PLA2R1: variants seen among roughly 807,000 people sequenced by gnomAD.
PLA2R1 encodes phospholipase A2 receptor 1, also known as secretory phospholipase A2 receptor.
A neutral mutation model predicts 195.9 loss-of-function variants in PLA2R1; 158 were observed. The observed-to-expected ratio is 0.81, with a 90% CI of 0.71 to 0.92. PLA2R1 has a LOEUF of 0.92. Ranked by LOEUF, PLA2R1 falls within the 40% of genes least tolerant of loss-of-function variation. PLA2R1 has a pLI of 0.00. For synonymous variants in PLA2R1, 586 were observed against 598.2 expected (o/e 0.98, Z 0.30); for missense variants, 1,626 against 1,764.6 (o/e 0.92, Z 1.41).
intron 10 of PLA2R1, among the ~76,000 whole-genome samples, chr2:160,011,469 T>A (rs181534495): frequency 3.3e-5 from 5 of 151,914 alleles, no homozygotes; most frequent in South Asian, 2.1e-4. Context: ...TCAAAAAAAA[T>A]TTTCTAATAA....
Position 159,934,078 on chromosome 2 carries a change from C to G in PLA2R1, c.*7700G>C, listed in dbSNP as rs1407152502. 1 of 152,136 alleles carries G rather than the reference C, an allele frequency of 6.6e-6. No homozygotes were observed. The highest frequency in any genetic ancestry group is 6.5e-5 in the Admixed American group (1 of 15,274). 9.4% of individuals were successfully genotyped at this position (152,136 alleles called of 1,614,324 possible). ...GGAAAGAGGGAATAAATATTCCAAG[C>G]ATGTATCTTGATAATCACTACAGTC... On this transcript the variant is annotated 3_prime_UTR_variant, in exon 30 of 30. Transcript: ENST00000283243.
chr2:160,038,651 G>A (rs1694321556), intron 3 of PLA2R1, among the ~76,000 whole-genome samples: 1 of 152,146 alleles, frequency 6.6e-6, no homozygotes, highest in Non-Finnish European at 1.5e-5. Flanking sequence ...GCCATTATGA[G>A]GTAGGAACTG....
Position 159,933,053 on chromosome 2 carries a change from T to G in PLA2R1, c.*8725A>C, listed in dbSNP as rs1320143369. ...TATTGCTATTCATAATTACAAGAAA[T>G]GGATGATAATATTTTAAATTAGTTA... On this transcript the variant is annotated 3_prime_UTR_variant, in exon 30 of 30. Transcript: ENST00000283243. 1 of 151,754 alleles carries G rather than the reference T, an allele frequency of 6.6e-6. No homozygotes were observed. Among genetic ancestry groups the G allele is most frequent in the African/African-American group, 2.4e-5 (1 of 41,306 alleles). The allele number at this position is 151,754 out of a possible 1,614,324, so 9.4% of individuals were successfully genotyped here.
intron 14 of PLA2R1, among the ~76,000 whole-genome samples, chr2:159,978,373 T>C (rs540017454): frequency 7.3e-4 from 111 of 152,320 alleles, no homozygotes; most frequent in African/African-American, 2.5e-3. Context: ...TCCTTTATAT[T>C]CCTCCTCAAA....
rs370828727 is a variant in PLA2R1 at position 159,977,405 on chromosome 2, C to A, written c.2280G>T (p.Ser760=). ...EWSDRTPVVS[S]FLDNTYFGED... is the part of the protein sequence containing the mutation. ...CTCCAAAATAAGTGTTGTCTAAAAA[C>A]GAAGAGACAACCTGCAGCAGATGAA... is the stretch of plus-strand genomic sequence containing the variant. Residue 760 remains serine, a synonymous_variant, in exon 15 of 30, where the codon TCG becomes TCT. Transcript: ENST00000283243. The A allele has an allele frequency of 7.5e-4, 1,208 of 1,612,912 alleles. 20 individuals are homozygous for A. In the South Asian group the frequency reaches 0.013, roughly 17 times the overall value.
At chr2:160,021,855 G>A (rs1409795750) in intron 7 of PLA2R1, among the ~76,000 whole-genome samples, 1 of 152,158 alleles carries the variant, frequency 6.6e-6, no homozygotes, top group Non-Finnish European at 1.5e-5. Context: ...AAATGGAGTT[G>A]CTGCAAAAGT....
In PLA2R1 at chr2:159,976,094, C is replaced by T; in HGVS notation, c.2569G>A (p.Glu857Lys). 1 of 1,604,290 alleles carries T rather than the reference C, an allele frequency of 6.2e-7. No homozygotes were observed. The highest frequency in any genetic ancestry group is 8.5e-7 in the Non-Finnish European group (1 of 1,173,990). The change falls in exon 17 of 30, where the codon GAA (glutamate) becomes AAA (lysine). Residue 857 changes from glutamate (E) to lysine (K), a missense_variant. Physicochemically the swap from Glu to Lys is moderately conservative, Grantham distance 56. Transcript: ENST00000283243. ...GCTTTTATTTTGCTGTGGATGAATT[C>T]TTGCTCATGTGCAGAATGAATTGTG... is the stretch of plus-strand genomic sequence containing the variant. ...LLTIHSAHEQ[E>K]FIHSKIKALS...
Position 159,997,108 on chromosome 2 carries a change from G to A in PLA2R1, c.1834+8544C>T, listed in dbSNP as rs141623299. On this transcript the variant is annotated intron_variant, in intron 11 of 29. Coordinates refer to ENST00000283243, the MANE Select transcript of PLA2R1 (RefSeq NM_007366.5). The stretch of plus-strand genomic sequence containing the variant: ...CTTGTAATATTTTTGTTGAAAAGTG[G>A]ATGTAATATATTGGGTAAAAGAAAC... 8.7e-4 allele frequency among the ~76,000 whole-genome samples: 132 copies of A among 152,210 alleles called. 1 individual carries two copies. In the East Asian group the frequency reaches 0.024, roughly 28 times the overall value.
intron 29 of PLA2R1, 50 bp downstream of exon 29, chr2:159,942,077 C>T: frequency 1.3e-6 from 2 of 1,586,298 alleles, no homozygotes; most frequent in Admixed American, 1.7e-5. Flanking sequence ...TGCTTTCTAT[C>T]TTATTATTTC....
chr2:160,020,490 C>T (rs2105465860), intron 7 of PLA2R1, among the ~76,000 whole-genome samples: 1 of 152,136 alleles, frequency 6.6e-6, no homozygotes, highest in African/African-American at 2.4e-5. Context: ...AAACTTAATC[C>T]CCAGTGTGGT....
intron 20 of PLA2R1, among the ~76,000 whole-genome samples, chr2:159,962,422 T>A (rs2105199327): frequency 6.6e-6 from 1 of 152,320 alleles, no homozygotes; most frequent in East Asian, 1.9e-4. Flanking sequence ...ATGAACACTT[T>A]TACACTGTTG....
intron 27 of PLA2R1, chr2:159,946,252 C>T: frequency 1.0e-6 from 1 of 984,006 alleles, no homozygotes; most frequent in Non-Finnish European, 1.2e-6. Flanking sequence ...GTAGGCTCAC[C>T]CCCAACCTTG....
chr2:159,931,317 G>A (rs1686580158), downstream of PLA2R1, among the ~76,000 whole-genome samples: 1 of 152,156 alleles, frequency 6.6e-6, no homozygotes, highest in African/African-American at 2.4e-5. Flanking sequence ...ACTACTTGAG[G>A]TCAGGAGTTT....
chr2:159,987,365 G>C lies in PLA2R1; in HGVS notation c.1835-7C>G. 5.0e-6 allele frequency: 8 copies of C among 1,603,742 alleles called. No homozygotes were observed. Among genetic ancestry groups the C allele is most frequent in the Non-Finnish European group, 6.0e-6 (7 of 1,174,740 alleles). ...ACACAGCCACCACTGTAGCCTAAAA[G>C]CAGAAAACAAGCATTTTTAATACCA... On this transcript the variant is annotated splice_polypyrimidine_tract_variant and splice_region_variant and intron_variant, in intron 11 of 29. Transcript: ENST00000283243.
chr2:160,025,871 G>C (rs1181759549), intron 6 of PLA2R1, among the ~76,000 whole-genome samples: 1 of 152,166 alleles, frequency 6.6e-6, no homozygotes, highest in Non-Finnish European at 1.5e-5. Context: ...GAGTCAACGA[G>C]AGAAAATGAG....
chr2:160,044,921 GCCA>G lies in PLA2R1; in HGVS notation c.343_345del (p.Trp115del), dbSNP rs1694765379. On this transcript the variant is annotated inframe_deletion, in exon 2 of 30. Transcript: ENST00000283243. ...CCTGTGATCATCTTCCTGTTACAGCGCCACCGTAAGGAAACGAGGGTGGAGTCA... is the reference window on the plus strand; with the variant it reads ...CCTGTGATCATCTTCCTGTTACAGCGCCGTAAGGAAACGAGGGTGGAGTCA... 3 of 1,613,906 alleles carry G rather than the reference GCCA, an allele frequency of 1.9e-6. No homozygotes were observed. In the East Asian group the frequency reaches 6.7e-5, roughly 36 times the overall value.
the PLA2R1 span, among the ~76,000 whole-genome samples, chr2:159,923,957 T>C: frequency 6.6e-6 from 1 of 152,162 alleles, no homozygotes; most frequent in Non-Finnish European, 1.5e-5. Flanking sequence ...AGAAATTTAT[T>C]CTCTCACAAT....
chr2:160,050,882 T>C (rs1695173025), intron 1 of PLA2R1, among the ~76,000 whole-genome samples: 1 of 152,114 alleles, frequency 6.6e-6, no homozygotes, highest in Admixed American at 6.5e-5. Flanking sequence ...CTAGAGGAAG[T>C]TTCTCCTGAG....
intron 13 of PLA2R1, among the ~76,000 whole-genome samples, chr2:159,983,453 CTTTTTTT>C (rs3062423): frequency 7.1e-6 from 1 of 140,112 alleles, no homozygotes; most frequent in African/African-American, 2.6e-5. Context: ...TACTGGGACT[CTTTTTTT>C]TTTTTTTTCC....
Sources: gnomAD v4.1 joint callset for allele counts (sites outside exome capture counted in the v4.1 genomes callset) on GRCh38, gnomAD v4.1.1 for gene constraint, MANE v1.5 for transcripts, NCBI Gene and HGNC (gene_info 2026-07-23, HGNC 2026-07-21) for gene names.